The following MID1 variants were observed in gnomAD, a reference collection of about 807,000 sequenced individuals.
MID1 encodes midline 1.
A neutral mutation model predicts 40.4 loss-of-function variants in MID1; 7 were observed. That is an observed-to-expected ratio of 0.17 (90% CI 0.10 to 0.33). The LOEUF (loss-of-function observed/expected upper bound fraction) is 0.33. Ranked by LOEUF, MID1 falls within the 10% of genes least tolerant of loss-of-function variation. The pLI is 1.00. For synonymous variants in MID1, 229 were observed against 221.2 expected, an observed-to-expected ratio of 1.04 and a Z score of -0.31; for missense variants, 367 against 558.5, an observed-to-expected ratio of 0.66 and a Z score of 3.46.
At position 10,809,831 on chromosome X, in the gene MID1, G is replaced by A. The variant is rs747127896; in HGVS notation, c.-187+23723C>T. Among the ~76,000 whole-genome samples the A allele has an allele frequency of 3.6e-3, 398 of 109,786 alleles. 1 individual carries two copies. Among genetic ancestry groups the A allele is most frequent in the South Asian group, 0.021 (53 of 2,517 alleles). On this transcript the variant is annotated intron_variant, in intron 1 of 10. Transcript: ENST00000380785. Reference sequence around the variant, plus strand: ...AGATATACCTAATATAATGTTAATGGGTGCAGCACACCAACATGGCACATG... The same window carrying A: ...AGATATACCTAATATAATGTTAATGAGTGCAGCACACCAACATGGCACATG...
rs1602561075 is a variant in MID1, at chrX:10,760,506, G to T, written c.-187+73048C>A. On this transcript the variant is annotated intron_variant, in intron 1 of 10. Coordinates refer to the MID1 transcript ENST00000380785. Reference sequence around the variant, plus strand: ...TTTGCATAGGTATAACTTGCGAGGGGAAGTATTAATATGGAGTTGTCTTTG... The same window carrying T: ...TTTGCATAGGTATAACTTGCGAGGGTAAGTATTAATATGGAGTTGTCTTTG... Among the ~76,000 whole-genome samples, 6 of 111,762 alleles carry T rather than the reference G, an allele frequency of 5.4e-5. 1 individual carries two copies. The highest frequency in any genetic ancestry group is 9.5e-5 in the Admixed American group (1 of 10,519).
chrX:10,487,931 C>T (rs1217335271), intron 4 of MID1, among the ~76,000 whole-genome samples: 1 of 107,255 alleles, frequency 9.3e-6, no homozygotes, highest in Non-Finnish European at 1.9e-5. Context: ...TGGGCCATTT[C>T]TAGTTTGGGG....
At chrX:10,687,118 G>A (rs1343209970) in intron 1 of MID1, among the ~76,000 whole-genome samples, 1 of 111,746 alleles carries the variant, frequency 8.9e-6, no homozygotes, top group African/African-American at 3.3e-5. Flanking sequence ...TTCATTTGCA[G>A]CTCCGGTGTT....
chrX:10,567,647 A>G, intron 1 of MID1, 44 bp from the exon 2 acceptor site: 1 of 944,483 alleles, frequency 1.1e-6, no homozygotes, highest in African/African-American at 1.9e-5. Context: ...AGGGAGGTCA[A>G]CCATAGGGGG....
intron 1 of MID1, among the ~76,000 whole-genome samples, chrX:10,630,765 C>T (rs1461660649): frequency 1.8e-5 from 2 of 110,911 alleles, no homozygotes; most frequent in African/African-American, 3.3e-5. Context: ...TGGATTGGGA[C>T]GGGGGTGGCA....
At position 10,809,248 on chromosome X, in the gene MID1, G is replaced by C. The variant is rs766630818; in HGVS notation, c.-187+24306C>G. Among the ~76,000 whole-genome samples, 25 of 111,925 alleles carry C rather than the reference G, an allele frequency of 2.2e-4. No homozygotes were observed. In the Admixed American group the frequency reaches 2.3e-3, roughly 10 times the overall value. On this transcript the variant is annotated intron_variant, in intron 1 of 10. Transcript: ENST00000380785. ...ATGAGATACCATCTCACACCAGTTAGAATGGTGATCATTCAAAAGTCAGGA... is the reference window on the plus strand; with the variant it reads ...ATGAGATACCATCTCACACCAGTTACAATGGTGATCATTCAAAAGTCAGGA...
chrX:10,723,580 C>T (rs768226343), intron 1 of MID1, among the ~76,000 whole-genome samples: 4 of 113,307 alleles, frequency 3.5e-5, no homozygotes, highest in Non-Finnish European at 5.6e-5. Flanking sequence ...GAGACGGAGT[C>T]TCGCTCTGCC....
rs1057070100 is a variant in MID1, at chrX:10,536,104, A to G, written c.661-12917T>C. Among the ~76,000 whole-genome samples, 3 of 110,499 alleles carry G rather than the reference A, an allele frequency of 2.7e-5. No individual in the cohort carries two copies. The Admixed American group carries it at 2.9e-4, about 11-fold the overall frequency. On this transcript the variant is annotated intron_variant, in intron 2 of 9. Coordinates refer to ENST00000317552, the MANE Select transcript of MID1 (RefSeq NM_000381.4). ...GCTGGGCGTGGTGGCATGCACCTAT[A>G]GTCCCAGCAACTCCGGAGGATGAGG...
intron 9 of MID1, among the ~76,000 whole-genome samples, chrX:10,450,118 C>A (rs1255804741): frequency 1.8e-5 from 2 of 112,411 alleles, no homozygotes; most frequent in Non-Finnish European, 3.8e-5. Flanking sequence ...TAACCACAAG[C>A]CACATATGGC....
At chrX:10,742,319 A>C (rs1417567054) in intron 1 of MID1, among the ~76,000 whole-genome samples, 2 of 111,817 alleles carry the variant, frequency 1.8e-5, no homozygotes, top group Non-Finnish European at 3.8e-5. Context: ...AATATGGAGG[A>C]AAGGGAGTTT....
At chrX:10,505,206 C>T (rs973755427) in intron 3 of MID1, 12 of 273,649 alleles carry the variant, frequency 4.4e-5, no homozygotes, top group South Asian at 3.7e-4. Context: ...GTATGGTTTT[C>T]ACTTTCCCCA....
intron 3 of MID1, chrX:10,505,989 C>T (rs1025138013): frequency 4.0e-6 from 3 of 755,840 alleles, no homozygotes; most frequent in African/African-American, 4.6e-5. Context: ...GTGAAATACA[C>T]GTGATTACGT....
chrX:10,541,673 A>C (rs1381833489), intron 2 of MID1, among the ~76,000 whole-genome samples: 2 of 111,609 alleles, frequency 1.8e-5, no homozygotes, highest in East Asian at 5.6e-4. Context: ...CTAACACATA[A>C]GGCTGGAATT....
At chrX:10,698,132 G>GT (rs113086033) in intron 1 of MID1, among the ~76,000 whole-genome samples, 9 of 112,236 alleles carry the variant, frequency 8.0e-5, no homozygotes, top group African/African-American at 2.9e-4. Context: ...GAGAGAGCAT[G>GT]TTTTCCATTG....
intron 4 of MID1, among the ~76,000 whole-genome samples, chrX:10,494,405 CAAT>C (rs1931118537): frequency 9.0e-6 from 1 of 110,891 alleles, no homozygotes; most frequent in Non-Finnish European, 1.9e-5. Context: ...CAACTATGAA[CAAT>C]AATAATAGAA....
chrX:10,543,905 C>T (rs1371989838), intron 2 of MID1, among the ~76,000 whole-genome samples: 1 of 110,604 alleles, frequency 9.0e-6, no homozygotes, highest in African/African-American at 3.3e-5. Flanking sequence ...ACTAGGGAGG[C>T]TGAGGCAGGA....
intron 1 of MID1, among the ~76,000 whole-genome samples, chrX:10,830,194 T>C (rs2044244381): frequency 8.9e-6 from 1 of 112,340 alleles, no homozygotes; most frequent in Admixed American, 9.4e-5. Context: ...CAGTTACTTG[T>C]TCATTGCCCA....
intron 4 of MID1, among the ~76,000 whole-genome samples, chrX:10,483,229 G>A (rs1279016568): frequency 1.8e-5 from 2 of 111,689 alleles, no homozygotes; most frequent in Admixed American, 1.9e-4. Context: ...ATGAGAGAAA[G>A]CCAAAAAAAG....
At chrX:10,574,806 G>A (rs1934828211) in intron 1 of MID1, among the ~76,000 whole-genome samples, 1 of 112,538 alleles carries the variant, frequency 8.9e-6, no homozygotes, top group Admixed American at 9.4e-5. Context: ...ATTAGACCAA[G>A]GAATAAACTT....
Sources: gnomAD v4.1 joint callset for allele counts (sites outside exome capture counted in the v4.1 genomes callset) on GRCh38, gnomAD v4.1.1 for gene constraint, MANE v1.5 for transcripts, NCBI Gene and HGNC (gene_info 2026-07-23, HGNC 2026-07-21) for gene names.